The following ENOX2 variants were observed in gnomAD, a reference collection of about 807,000 sequenced individuals.
The protein encoded by ENOX2 is APK1 antigen.
A neutral mutation model predicts 45.0 loss-of-function variants in ENOX2; 36 were observed. The observed-to-expected ratio is 0.80, with a 90% CI of 0.61 to 1.06. The LOEUF (loss-of-function observed/expected upper bound fraction) is 1.06. Ranked by LOEUF, ENOX2 falls within the 50% of genes least tolerant of loss-of-function variation. The probability of loss-of-function intolerance (pLI) is 0.00; values close to 1 mark genes in which losing one functional copy is unlikely to be tolerated. For missense variants in ENOX2, 423 were observed against 462.5 expected (o/e 0.91, Z 0.78); for synonymous variants, 174 against 152.3 (o/e 1.14, Z -1.05).
chrX:130,688,637 T>G (rs1019712648), intron 5 of ENOX2, among the ~76,000 whole-genome samples: 1 of 111,981 alleles, frequency 8.9e-6, no homozygotes, highest in Non-Finnish European at 1.9e-5. Flanking sequence ...CCAGATGGCA[T>G]TAGAAACATG....
rs752840099 is a variant in ENOX2 at position 130,888,146 on chromosome X, A to C, written c.-183+13538T>G. Among the ~76,000 whole-genome samples, 18 of 111,975 alleles carry C rather than the reference A, an allele frequency of 1.6e-4. No homozygotes were observed. In the East Asian group the frequency reaches 4.2e-3, roughly 26 times the overall value. On this transcript the variant is annotated intron_variant, in intron 2 of 14. Transcript: ENST00000394363. ...TTGTCCATATATTTAACACTGAAAA[A>C]CAAATCTATGTCTACCTAAAAATAG... is the stretch of plus-strand genomic sequence containing the variant.
chrX:130,711,964 A>G (rs2038204660), intron 3 of ENOX2, among the ~76,000 whole-genome samples: 1 of 111,440 alleles, frequency 9.0e-6, no homozygotes, highest in Non-Finnish European at 1.9e-5. Context: ...CAAGGAAGTG[A>G]TAGCACATAC....
intron 3 of ENOX2, among the ~76,000 whole-genome samples, chrX:130,711,472 T>C (rs1422469912): frequency 9.1e-6 from 1 of 110,272 alleles, no homozygotes; most frequent in Non-Finnish European, 1.9e-5. Flanking sequence ...ATGATGCTAT[T>C]AGACAAGCAG....
At chrX:130,707,860 C>T (rs1331839015) in intron 3 of ENOX2, among the ~76,000 whole-genome samples, 1 of 112,088 alleles carries the variant, frequency 8.9e-6, no homozygotes, top group African/African-American at 3.2e-5. Context: ...TCTAACTCTA[C>T]TACTTAGCAA....
At position 130,864,989 on chromosome X, in the gene ENOX2, G is replaced by T. The variant is rs187382775; in HGVS notation, c.-183+36695C>A. Among the ~76,000 whole-genome samples the T allele has an allele frequency of 5.1e-3, 561 of 110,559 alleles. 2 individuals carry two copies. The highest frequency in any genetic ancestry group is 0.018 in the African/African-American group (533 of 30,336). ...ATCATGCCACTGCACTCCAGCCTGG[G>T]TGACAAAGCAAGACTCTGCCTTGAA... On this transcript the variant is annotated intron_variant, in intron 2 of 14. Coordinates refer to ENST00000394363, the MANE Select transcript of ENOX2 (RefSeq NM_006375.4).
intron 2 of ENOX2, among the ~76,000 whole-genome samples, chrX:130,802,707 C>T (rs762444431): frequency 1.8e-5 from 2 of 111,662 alleles, no homozygotes; most frequent in Non-Finnish European, 3.8e-5. Context: ...AGGAGAGTTG[C>T]ATTTTTAATA....
chrX:130,705,267 C>CAAAA (rs1222383233), intron 3 of ENOX2, among the ~76,000 whole-genome samples: 3 of 111,549 alleles, frequency 2.7e-5, no homozygotes, highest in Non-Finnish European at 5.7e-5. Flanking sequence ...AATATTAAAA[C>CAAAA]AAACAAACAA....
intron 2 of ENOX2, among the ~76,000 whole-genome samples, chrX:130,816,632 A>G (rs933307686): frequency 1.2e-4 from 13 of 112,221 alleles, no homozygotes; most frequent in Non-Finnish European, 1.1e-4. Context: ...GCACATTTAC[A>G]TGGAAACTGA....
At chrX:130,689,383 G>A (rs777968595) in intron 4 of ENOX2, among the ~76,000 whole-genome samples, 4 of 111,186 alleles carry the variant, frequency 3.6e-5, no homozygotes, top group Non-Finnish European at 7.5e-5. Flanking sequence ...TTCTTTGTAC[G>A]GTACAGCATG....
chrX:130,625,683 A>T (rs2035525323), intron 14 of ENOX2, among the ~76,000 whole-genome samples: 1 of 111,308 alleles, frequency 9.0e-6, no homozygotes, highest in Non-Finnish European at 1.9e-5. Context: ...AGCTGGGGTC[A>T]GTCATGTGGA....
intron 2 of ENOX2, among the ~76,000 whole-genome samples, chrX:130,886,526 T>C (rs10521761): frequency 0.054 from 6,020 of 112,063 alleles, 180 homozygotes; most frequent in Non-Finnish European, 0.088. Flanking sequence ...TTCTTCATTA[T>C]TATGGACCAT....
At chrX:130,852,006 T>C (rs1045264166) in intron 2 of ENOX2, among the ~76,000 whole-genome samples, 1 of 111,905 alleles carries the variant, frequency 8.9e-6, no homozygotes, top group Non-Finnish European at 1.9e-5. Flanking sequence ...ATTTACCACC[T>C]TCTCATCAGA....
chrX:130,694,957 T>C (rs371735621), intron 4 of ENOX2, among the ~76,000 whole-genome samples: 1 of 111,627 alleles, frequency 9.0e-6, no homozygotes, highest in Admixed American at 9.5e-5. Flanking sequence ...TCTGACTTAA[T>C]CTTCACAACA....
chrX:130,804,425 C>T (rs1057275075), intron 2 of ENOX2, among the ~76,000 whole-genome samples: 5 of 111,757 alleles, frequency 4.5e-5, no homozygotes, highest in Middle Eastern at 4.6e-3. Context: ...TTATTTCCCT[C>T]GTCTTGGGCA....
chrX:130,785,000 A>T (rs1441372696), intron 2 of ENOX2, among the ~76,000 whole-genome samples: 1 of 110,347 alleles, frequency 9.1e-6, no homozygotes, highest in Non-Finnish European at 1.9e-5. Flanking sequence ...CCAGTCAGCT[A>T]AAGGTCAATC....
intron 2 of ENOX2, among the ~76,000 whole-genome samples, chrX:130,856,460 T>C (rs746589225): frequency 9.0e-6 from 1 of 111,370 alleles, no homozygotes; most frequent in African/African-American, 3.3e-5. Context: ...ACAGCCAGGA[T>C]TCATGGATTC....
At chrX:130,681,465 A>T (rs2037300258) in intron 5 of ENOX2, among the ~76,000 whole-genome samples, 1 of 111,368 alleles carries the variant, frequency 9.0e-6, no homozygotes, top group Non-Finnish European at 1.9e-5. Flanking sequence ...AAAACTATTG[A>T]CTTAGTCTAA....
chrX:130,630,796 A>T (rs190760102), intron 13 of ENOX2, among the ~76,000 whole-genome samples: 1 of 111,281 alleles, frequency 9.0e-6, no homozygotes, highest in Non-Finnish European at 1.9e-5. Context: ...ATCTATACAG[A>T]GGGCAGTCTT....
intron 2 of ENOX2, among the ~76,000 whole-genome samples, chrX:130,833,221 A>G (rs943679138): frequency 2.1e-4 from 23 of 111,508 alleles, no homozygotes; most frequent in African/African-American, 7.5e-4. Flanking sequence ...CTGGGCACAC[A>G]TGAAATTGCA....
Sources: gnomAD v4.1 joint callset for allele counts (sites outside exome capture counted in the v4.1 genomes callset) on GRCh38, gnomAD v4.1.1 for gene constraint, MANE v1.5 for transcripts, NCBI Gene and HGNC (gene_info 2026-07-23, HGNC 2026-07-21) for gene names.